The following PDE1C variants were observed in gnomAD, a reference collection of about 807,000 sequenced individuals.
The protein encoded by PDE1C is dual specificity calcium/calmodulin-dependent 3',5'-cyclic nucleotide phosphodiesterase 1C.
A neutral mutation model predicts 93.1 loss-of-function variants in PDE1C; 62 were observed. The observed-to-expected ratio is 0.67, with a 90% CI of 0.54 to 0.82. PDE1C has a LOEUF of 0.82. PDE1C is among the 40% of genes least tolerant of loss of function. The pLI, the probability that PDE1C is intolerant of heterozygous loss-of-function variation, is 0.00. For missense variants in PDE1C, 742 were observed against 884.6 expected, an observed-to-expected ratio of 0.84 and a Z score of 2.04; for synonymous variants, 325 against 310.1, an observed-to-expected ratio of 1.05 and a Z score of -0.50.
At chr7:31,650,995 G>A in the PDE1C span, 1 of 745,548 alleles carries the variant, frequency 1.3e-6, no homozygotes. Context: ...CAAATATTGG[G>A]CTCTTCCTAT....
the PDE1C span, among the ~76,000 whole-genome samples, chr7:31,638,162 T>C: frequency 9.2e-5 from 14 of 152,206 alleles, no homozygotes; most frequent in Non-Finnish European, 2.1e-4. Context: ...ATCATGAATT[T>C]TGTACCCACA....
At chr7:32,342,212 C>T (rs184917996) in intron 1 of PDE1C, among the ~76,000 whole-genome samples, 69 of 152,144 alleles carry the variant, frequency 4.5e-4, no homozygotes, top group African/African-American at 2.2e-4. Context: ...TCCTCACTAC[C>T]GGCACTCAAA....
At chr7:31,616,876 C>G in the PDE1C span, among the ~76,000 whole-genome samples, 1 of 151,916 alleles carries the variant, frequency 6.6e-6, no homozygotes, top group Non-Finnish European at 1.5e-5. Flanking sequence ...ACCAGATACC[C>G]AAACCTCTCT....
rs1286752567 is a variant in PDE1C, at chr7:32,097,747, GACTC to G, written c.308+72034_308+72037del. ...AACACTGATAAAAATGTGTAACTGA[GACTC>G]ACACTGGGAAATGGGTAGGTAAACA... On this transcript the variant is annotated intron_variant, in intron 3 of 18. Coordinates refer to the PDE1C transcript ENST00000396193. 2.0e-5 allele frequency among the ~76,000 whole-genome samples: 3 copies of G among 152,316 alleles called. No individual in the cohort carries two copies. In the East Asian group the frequency reaches 5.8e-4, roughly 29 times the overall value.
rs1024390678 is a variant in PDE1C at position 31,777,142 on chromosome 7, A to T, written c.1892-1410T>A. Among the ~76,000 whole-genome samples the T allele has an allele frequency of 8.8e-4, 119 of 135,394 alleles. 1 individual carries two copies. The highest frequency in any genetic ancestry group is 3.2e-3 in the African/African-American group (106 of 33,444). 88.8% of individuals were successfully genotyped at this position (135,394 alleles called of 152,430 possible). On this transcript the variant is annotated intron_variant, in intron 16 of 17. Coordinates refer to ENST00000396191, the MANE Select transcript of PDE1C (RefSeq NM_001191057.4). ...TGTACCCTAAAACTTAAAGTATAAT[A>T]AAAAAAAAAGAAAGAAACAATTAGT...
chr7:31,621,179 A>C, the PDE1C span, among the ~76,000 whole-genome samples: 48 of 152,222 alleles, frequency 3.2e-4, no homozygotes, highest in East Asian at 1.9e-3. Flanking sequence ...CTGGAAAACA[A>C]TCTGCAGGAT....
At chr7:32,320,876 G>A (rs564820870) in intron 1 of PDE1C, among the ~76,000 whole-genome samples, 2 of 152,138 alleles carry the variant, frequency 1.3e-5, no homozygotes, top group African/African-American at 2.4e-5. Context: ...TGAAACCCAC[G>A]ACCACTTGAC....
At chr7:31,707,256 A>C in the PDE1C span, 9 of 1,613,908 alleles carry the variant, frequency 5.6e-6, no homozygotes, top group Non-Finnish European at 7.6e-6. Context: ...AAGATGACGA[A>C]AAGGATGGTG....
In PDE1C at chr7:32,339,133, A is replaced by G. The variant is rs186128389; in HGVS notation, c.310+88689T>C. 5.7e-3 allele frequency among the ~76,000 whole-genome samples: 864 copies of G among 152,250 alleles called. 8 individuals are homozygous for G. The highest frequency in any genetic ancestry group is 8.4e-3 in the Non-Finnish European group (571 of 68,018). ...GCCTTAAAAAGAAGGAAATTCTGAC[A>G]TATGCTGTGATATCAATGAACCTTG... On this transcript the variant is annotated intron_variant, in intron 1 of 1. Transcript: ENST00000672256.
chr7:32,178,939 C>G (rs1397794308), intron 2 of PDE1C, among the ~76,000 whole-genome samples: 1 of 152,126 alleles, frequency 6.6e-6, no homozygotes, highest in Non-Finnish European at 1.5e-5. Context: ...GTGCTGGGCT[C>G]CACCTGTGTT....
At chr7:31,901,833 A>G (rs770233987) in intron 2 of PDE1C, among the ~76,000 whole-genome samples, 1 of 151,774 alleles carries the variant, frequency 6.6e-6, no homozygotes, top group Non-Finnish European at 1.5e-5. Context: ...TAGGACTTAT[A>G]TATGATAAAT....
chr7:31,769,114 A>G (rs1327924619), intron 17 of PDE1C, among the ~76,000 whole-genome samples: 1 of 152,088 alleles, frequency 6.6e-6, no homozygotes, highest in Admixed American at 6.5e-5. Flanking sequence ...TTTTTTAATG[A>G]AAGTCTGTCT....
intron 2 of PDE1C, among the ~76,000 whole-genome samples, chr7:31,909,467 A>G (rs1461883416): frequency 1.3e-5 from 2 of 152,082 alleles, no homozygotes; most frequent in African/African-American, 4.8e-5. Flanking sequence ...CATCACTGCA[A>G]TGATCGGGAC....
chr7:32,244,003 C>T (rs1301773322), intron 1 of PDE1C, among the ~76,000 whole-genome samples: 3 of 152,214 alleles, frequency 2.0e-5, no homozygotes, highest in Non-Finnish European at 4.4e-5. Context: ...AGATACGCTT[C>T]CTCTACCAAG....
chr7:32,204,145 G>C (rs1225233330), intron 2 of PDE1C, among the ~76,000 whole-genome samples: 1 of 151,796 alleles, frequency 6.6e-6, no homozygotes, highest in Non-Finnish European at 1.5e-5. Context: ...CTAACGTGTA[G>C]GTAGCATCTA....
At chr7:32,151,071 A>G (rs1208040059) in intron 3 of PDE1C, among the ~76,000 whole-genome samples, 2 of 152,172 alleles carry the variant, frequency 1.3e-5, no homozygotes, top group East Asian at 3.8e-4. Flanking sequence ...AAGAAATCCT[A>G]AAAACATTAC....
At chr7:31,789,035 C>T (rs974010062) in intron 16 of PDE1C, 4 of 152,122 alleles carry the variant, frequency 2.6e-5, no homozygotes, top group African/African-American at 4.8e-5. Flanking sequence ...AACCTATTGC[C>T]TAGCTCTCTT....
chr7:32,045,890 G>C (rs1792490996), intron 2 of PDE1C, among the ~76,000 whole-genome samples: 1 of 152,150 alleles, frequency 6.6e-6, no homozygotes, highest in Non-Finnish European at 1.5e-5. Context: ...TACCAGCAAA[G>C]GTGGCTGTTG....
chr7:32,291,743 C>T (rs1270441108), intron 1 of PDE1C, among the ~76,000 whole-genome samples: 3 of 152,198 alleles, frequency 2.0e-5, no homozygotes, highest in Non-Finnish European at 4.4e-5. Flanking sequence ...CCCCAGTGTA[C>T]CTCACTTAGC....
Sources: gnomAD v4.1 joint callset for allele counts (sites outside exome capture counted in the v4.1 genomes callset) on GRCh38, gnomAD v4.1.1 for gene constraint, MANE v1.5 for transcripts, NCBI Gene and HGNC (gene_info 2026-07-23, HGNC 2026-07-21) for gene names.